Variants in PRRC2A observed in about 807,000 individuals in gnomAD.
PRRC2A encodes the protein protein PRRC2A.
PRRC2A carries 59 observed loss-of-function variants against 224.6 expected under a neutral mutation model. The observed-to-expected ratio is 0.26, with a 90% CI of 0.21 to 0.33. PRRC2A has a LOEUF of 0.33. PRRC2A is among the 10% of genes least tolerant of loss of function. The pLI, the probability that PRRC2A is intolerant of heterozygous loss-of-function variation, is 1.00. For missense variants in PRRC2A, 3,095 were observed against 2,880.7 expected, an observed-to-expected ratio of 1.07 and a Z score of -1.70; for synonymous variants, 1,194 against 1,109.5, an observed-to-expected ratio of 1.08 and a Z score of -1.51.
intron 16 of PRRC2A, 25 bp downstream of exon 16, chr6:31,633,017 TG>T: frequency 6.7e-7 from 1 of 1,491,192 alleles, no homozygotes; most frequent in Non-Finnish European, 8.9e-7. Context: ...ACAAATTTAT[TG>T]TGGTTTAAAA....
chr6:31,635,019 C>T (rs1156864634), intron 21 of PRRC2A, 42 bp downstream of exon 21: 1 of 1,603,168 alleles, frequency 6.2e-7, no homozygotes, highest in South Asian at 1.1e-5. Flanking sequence ...TTCCAGGAAT[C>T]TGACTTTGGC....
rs1290471058 is a variant in PRRC2A at position 31,629,853 on chromosome 6, G to A, written c.2254+8G>A. On this transcript the variant is annotated splice_region_variant and intron_variant, in intron 14 of 30. Coordinates refer to ENST00000376033, the MANE Select transcript of PRRC2A (RefSeq NM_004638.4). Reference sequence around the variant, plus strand: ...CTGGTGTGCATCCCTCTGGTAAGGGGGCATGGGAGGAGTGAGAAACAGGAA... The same window carrying A: ...CTGGTGTGCATCCCTCTGGTAAGGGAGCATGGGAGGAGTGAGAAACAGGAA... 6.2e-7 allele frequency: 1 copy of A among 1,613,504 alleles called. No individual in the cohort carries two copies. Among genetic ancestry groups the A allele is most frequent in the Non-Finnish European group, 8.5e-7 (1 of 1,179,808 alleles).
intron 13 of PRRC2A, 33 bp from the exon 14 acceptor site, chr6:31,629,515 G>T (rs1335587739): frequency 6.9e-7 from 1 of 1,457,200 alleles, no homozygotes; most frequent in East Asian, 2.3e-5. Flanking sequence ...TGTGCTTTGA[G>T]CCTCTCTCAT....
Position 31,629,704 on chromosome 6 carries a change from C to G in PRRC2A, c.2113C>G (p.Pro705Ala). 2 of 1,602,830 alleles carry G rather than the reference C, an allele frequency of 1.2e-6. No homozygotes were observed. Among genetic ancestry groups the G allele is most frequent in the Non-Finnish European group, 1.7e-6 (2 of 1,172,712 alleles). Reference protein sequence around the residue: ...APPPPPKALYPGALGRPPPMP... With the variant: ...APPPPPKALYAGALGRPPPMP... ...ACCCCCGCCCCCCAAGGCCCTGTAC[C>G]CAGGTGCTCTGGGCCGGCCCCCACC... The change falls in exon 14 of 31, where the codon CCA becomes GCA. Residue 705 changes from proline (P) to alanine (A), a missense_variant. Transcript: ENST00000376033.
At chr6:31,635,857 A>C (rs995603588) in intron 24 of PRRC2A, 108 bp downstream of exon 24, 1 of 1,446,886 alleles carries the variant, frequency 6.9e-7, no homozygotes, top group Non-Finnish European at 9.3e-7. Flanking sequence ...GTGAGATACC[A>C]CTTTGTCACA....
At chr6:31,621,612 TCA>T (rs996758654) in intron 1 of PRRC2A, among the ~76,000 whole-genome samples, 5 of 152,210 alleles carry the variant, frequency 3.3e-5, no homozygotes, top group African/African-American at 1.2e-4. Flanking sequence ...ATATTTATCT[TCA>T]CAGATTGGCC....
rs775528582 is a variant in PRRC2A, at chr6:31,630,595, A to G, written c.2259A>G (p.Leu753=). Residue 753 remains leucine (L), a synonymous_variant, in exon 15 of 31, where the codon CTA becomes CTG. Coordinates refer to ENST00000376033, the MANE Select transcript of PRRC2A (RefSeq NM_004638.4). ...FYPPGVHPSG[L]VPRERSDSGG... is the part of the protein sequence containing the mutation. ...CTTTTTCTTTGGTTTCTTCAGGCCT[A>G]GTTCCCCGAGAGCGTTCAGACAGTG... The G allele has an allele frequency of 1.9e-6, 3 of 1,614,036 alleles. No individual in the cohort carries two copies. Among genetic ancestry groups the G allele is most frequent in the African/African-American group, 1.3e-5 (1 of 74,898 alleles).
In PRRC2A at chr6:31,634,478, G is replaced by A; in HGVS notation, c.4856G>A (p.Ser1619Asn). ...TTGGTGCTCCCTTCTCCAGCCACTA[G>A]CCGAAAGAGTTACCGGCCCAGCTCC... ...HIWNRLHTAT[S>N]RKSYRPSSME... The change falls in exon 20 of 31, where the codon AGC (serine) becomes AAC (asparagine). Residue 1619 changes from serine to asparagine, a missense_variant. Coordinates refer to ENST00000376033, the MANE Select transcript of PRRC2A (RefSeq NM_004638.4). The A allele has an allele frequency of 6.2e-7, 1 of 1,612,982 alleles. No individual in the cohort carries two copies. Among genetic ancestry groups the A allele is most frequent in the South Asian group, 1.1e-5 (1 of 91,088 alleles).
intron 1 of PRRC2A, among the ~76,000 whole-genome samples, chr6:31,621,200 G>A (rs1317968739): frequency 3.6e-5 from 2 of 55,000 alleles, no homozygotes; most frequent in Non-Finnish European, 8.8e-5. Flanking sequence ...CTCCCCGGCT[G>A]CCGCCCCGTG....
At position 31,637,549 on chromosome 6, in the gene PRRC2A, G is replaced by C. The variant is rs752095210; in HGVS notation, c.6437G>C (p.Arg2146Pro). 6.3e-7 allele frequency: 1 copy of C among 1,592,708 alleles called. No homozygotes were observed. Among genetic ancestry groups the C allele is most frequent in the Non-Finnish European group, 8.5e-7 (1 of 1,170,432 alleles). The change falls in exon 31 of 31, where the codon CGA becomes CCA. Residue 2146 changes from arginine to proline, a missense_variant. Physicochemically the swap from Arg to Pro is moderately radical, Grantham distance 103 (BLOSUM62 -2). Transcript: ENST00000376033. Reference sequence around the variant, plus strand: ...CGACGGGCAGAGGAGCCTGGGTCCCGAGGGGACAAGGAGCCTGGGTTGCCC... The same window carrying C: ...CGACGGGCAGAGGAGCCTGGGTCCCCAGGGGACAAGGAGCCTGGGTTGCCC... ...PSRRAEEPGSRGDKEPGLPPP... is the reference protein window; with the variant it reads ...PSRRAEEPGSPGDKEPGLPPP...
Position 31,631,004 on chromosome 6 carries a change from A to C in PRRC2A, c.2466-135A>C. 8.2e-7 allele frequency: 1 copy of C among 1,223,668 alleles called. No homozygotes were observed. The highest frequency in any genetic ancestry group is 1.1e-6 in the Non-Finnish European group (1 of 885,106). The allele number at this position is 1,223,668 out of a possible 1,614,324, so 75.8% of individuals were successfully genotyped here. On this transcript the variant is annotated intron_variant, in intron 15 of 30. Coordinates refer to ENST00000376033, the MANE Select transcript of PRRC2A (RefSeq NM_004638.4). This position sits in a 1 kb window ranked among gnomAD's most constrained non-coding sequence, Gnocchi z 4.5. ...CCAGCAGTTCGAGACTAGCCTCGGC[A>C]ACTGGATGCCATCTCTGCCAAAACA...
At chr6:31,621,028 T>A (rs1775211674) in intron 1 of PRRC2A, among the ~76,000 whole-genome samples, 170 bp downstream of exon 1, 1 of 152,090 alleles carries the variant, frequency 6.6e-6, no homozygotes, top group African/African-American at 2.4e-5. Context: ...CCCCCTCCGG[T>A]ACCTCTACTC....
Position 31,632,350 on chromosome 6 carries a change from G to A in PRRC2A, c.3677G>A (p.Ser1226Asn), listed in dbSNP as rs768722154. 4 of 1,613,382 alleles carry A rather than the reference G, an allele frequency of 2.5e-6. No homozygotes were observed. Among genetic ancestry groups the A allele is most frequent in the South Asian group, 2.2e-5 (2 of 91,086 alleles). Reference sequence around the variant, plus strand: ...CTGTCCCCTGTGGCGCGCGGAGGCAGCAATGGAGGTAGCAATGTGGGCATG... The same window carrying A: ...CTGTCCCCTGTGGCGCGCGGAGGCAACAATGGAGGTAGCAATGTGGGCATG... ...GPLSPVARGG[S>N]NGGSNVGMED... The change falls in exon 16 of 31, where the codon AGC (serine) becomes AAC (asparagine). Residue 1226 changes from serine (S) to asparagine (N), a missense_variant. Ser to Asn is a conservative substitution (Grantham distance 46). This residue lies in a region of PRRC2A where 2,001 missense variants were observed against 1,764.9 expected (regional missense o/e 1.13). Coordinates refer to ENST00000376033, the MANE Select transcript of PRRC2A (RefSeq NM_004638.4).
chr6:31,626,990 C>T lies in PRRC2A; in HGVS notation c.1082C>T (p.Ser361Phe). ...DEEGAEGHRD[S>F]QSASGEERPP... ...TGTTGATCTGCTCACAGCAGGGATT[C>T]CCAATCAGCTTCTGGTGAGGAACGG... Residue 361 changes from serine to phenylalanine, a missense_variant, in exon 11 of 31, where the codon TCC (serine) becomes TTC (phenylalanine). Ser to Phe is a radical substitution (Grantham distance 155, BLOSUM62 -2). This residue lies in a region of PRRC2A where 2,001 missense variants were observed against 1,764.9 expected (regional missense o/e 1.13). Coordinates refer to ENST00000376033, the MANE Select transcript of PRRC2A (RefSeq NM_004638.4). The T allele has an allele frequency of 6.2e-7, 1 of 1,614,146 alleles. No individual in the cohort carries two copies. Among genetic ancestry groups the T allele is most frequent in the Non-Finnish European group, 8.5e-7 (1 of 1,180,030 alleles).
intron 1 of PRRC2A, among the ~76,000 whole-genome samples, chr6:31,621,368 TTCTA>T (rs1775267213): frequency 6.6e-6 from 1 of 152,162 alleles, no homozygotes; most frequent in African/African-American, 2.4e-5. Flanking sequence ...CATCTTTGCT[TTCTA>T]TGTTGCTCAG....
Position 31,631,621 on chromosome 6 carries a change from C to G in PRRC2A, c.2948C>G (p.Pro983Arg). 1 of 1,526,812 alleles carries G rather than the reference C, an allele frequency of 6.5e-7. No homozygotes were observed. Among genetic ancestry groups the G allele is most frequent in the Non-Finnish European group, 8.8e-7 (1 of 1,140,784 alleles). The allele number at this position is 1,526,812 out of a possible 1,614,324, so 94.6% of individuals were successfully genotyped here. A position where few individuals can be genotyped will look rare whatever the true frequency, so the allele number is the denominator to read the frequency against. ...ACCCCCAAACCCCCAAAGCCAGACC[C>G]ACTCAAGATAACCAAGGGGAAGCTA... ...DETPKPPKPD[P>R]LKITKGKLGG... Residue 983 changes from proline to arginine, a missense_variant, in exon 16 of 31, where the codon CCA (proline) becomes CGA (arginine). By Grantham distance (103) the Pro-to-Arg change is moderately radical. Coordinates refer to ENST00000376033, the MANE Select transcript of PRRC2A (RefSeq NM_004638.4). The surrounding 1 kb of genome is among the most constrained non-coding windows in gnomAD (Gnocchi z 4.5).
chr6:31,627,097 C>T lies in PRRC2A; in HGVS notation c.1189C>T (p.Arg397Trp), dbSNP rs749972101. The T allele has an allele frequency of 1.2e-6, 2 of 1,614,136 alleles. No homozygotes were observed. The highest frequency in any genetic ancestry group is 1.7e-6 in the Non-Finnish European group (2 of 1,180,018). Residue 397 changes from arginine to tryptophan, a missense_variant, in exon 11 of 31, where the codon CGG becomes TGG. Arg to Trp is a moderately radical substitution (Grantham distance 101). This residue lies in a region of PRRC2A where 2,001 missense variants were observed against 1,764.9 expected (regional missense o/e 1.13). Coordinates refer to ENST00000376033, the MANE Select transcript of PRRC2A (RefSeq NM_004638.4). The surrounding 1 kb of genome is among the most constrained non-coding windows in gnomAD (Gnocchi z 5.6). ...TPKTAWAETS[R>W]PPETEPGPPA... ...TAAGACGGCCTGGGCAGAAACCTCT[C>T]GGCCTCCAGAGACAGAGCCGGGACC... is the stretch of plus-strand genomic sequence containing the variant.
Position 31,625,714 on chromosome 6 carries a change from A to T in PRRC2A, c.760-78A>T. 1.3e-6 allele frequency: 2 copies of T among 1,576,430 alleles called. No individual in the cohort carries two copies. The highest frequency in any genetic ancestry group is 2.2e-5 in the South Asian group (2 of 90,226). ...ATGAGATAGAAGGGAGGGTGGGAGG[A>T]TGATTGATAGCAGGCTTAAGGAGCT... On this transcript the variant is annotated intron_variant, in intron 7 of 30. Coordinates refer to ENST00000376033, the MANE Select transcript of PRRC2A (RefSeq NM_004638.4). This position sits in a 1 kb window ranked among gnomAD's most constrained non-coding sequence, Gnocchi z 4.1.
At position 31,628,168 on chromosome 6, in the gene PRRC2A, C is replaced by T. The variant is rs968851167; in HGVS notation, c.1694C>T (p.Ala565Val). The T allele has an allele frequency of 9.9e-6, 16 of 1,613,050 alleles. No individual in the cohort carries two copies. Among genetic ancestry groups the T allele is most frequent in the African/African-American group, 1.3e-5 (1 of 75,044 alleles). ...AQSTPTPGVA[A>V]APTLVSGGGS... ...TCTACTCCTACTCCAGGTGTGGCTG[C>T]GGCTCCCACTCTGGTGAGTGGTGGT... The change falls in exon 12 of 31, where the codon GCG becomes GTG. Residue 565 changes from alanine to valine, a missense_variant. Around this residue, in one of 8 missense-constraint regions of PRRC2A, gnomAD observed 2,001 missense variants for 1,764.9 expected, o/e 1.13. Transcript: ENST00000376033.
Sources: gnomAD v4.1 joint callset for allele counts (sites outside exome capture counted in the v4.1 genomes callset) on GRCh38, gnomAD v4.1.1 for gene constraint, gnomAD v4.1.1 regional missense constraint, Gnocchi (gnomAD v3.1) non-coding constraint, MANE v1.5 for transcripts, NCBI Gene and HGNC (gene_info 2026-07-23, HGNC 2026-07-21) for gene names.